Variants in ADAMTSL1 observed in about 807,000 individuals in gnomAD.
ADAMTSL1 encodes the protein ADAMTS-like protein 1.
In ADAMTSL1, 126 loss-of-function variants were observed where a neutral mutation model predicts 201.8. That is an observed-to-expected ratio of 0.62 (90% CI 0.54 to 0.72). The LOEUF (loss-of-function observed/expected upper bound fraction) is 0.72, where lower values mean the gene tolerates loss of function less well. ADAMTSL1 is among the 30% of genes least tolerant of loss of function. The pLI, the probability that ADAMTSL1 is intolerant of heterozygous loss-of-function variation, is 0.00. For synonymous variants in ADAMTSL1, 1,121 were observed against 903.4 expected (o/e 1.24, Z -4.32); for missense variants, 2,679 against 2,277.8 (o/e 1.18, Z -3.59).
At chr9:18,272,461 A>T (rs1317472101) in intron 2 of ADAMTSL1, among the ~76,000 whole-genome samples, 4 of 152,190 alleles carry the variant, frequency 2.6e-5, no homozygotes, top group Non-Finnish European at 4.4e-5. Context: ...TTAATTCAAG[A>T]TGGATTAAAG....
intron 1 of ADAMTSL1, among the ~76,000 whole-genome samples, chr9:18,071,222 A>G (rs1822948540): frequency 6.6e-6 from 1 of 152,238 alleles, no homozygotes; most frequent in Non-Finnish European, 1.5e-5. Context: ...AGCAGGCTCT[A>G]GAACTATAAC....
At chr9:18,522,701 T>C (rs959189876) in intron 2 of ADAMTSL1, among the ~76,000 whole-genome samples, 3 of 151,700 alleles carry the variant, frequency 2.0e-5, no homozygotes, top group African/African-American at 7.3e-5. Flanking sequence ...TTTGTTTTTT[T>C]TTTCCCTGCA....
At chr9:18,775,627 G>A (rs1820929159) in intron 17 of ADAMTSL1, 116 bp from the exon 18 acceptor site, 3 of 1,305,592 alleles carry the variant, frequency 2.3e-6, no homozygotes, top group Non-Finnish European at 2.1e-6. Flanking sequence ...TTCTATCACA[G>A]TGGTTATTGC....
chr9:18,123,212 C>T (rs550214697), intron 1 of ADAMTSL1, among the ~76,000 whole-genome samples: 4 of 152,294 alleles, frequency 2.6e-5, no homozygotes, highest in African/African-American at 9.6e-5. Flanking sequence ...CATATTTCAT[C>T]TTCCAGATTG....
intron 2 of ADAMTSL1, among the ~76,000 whole-genome samples, chr9:18,188,532 AG>A: frequency 6.6e-6 from 1 of 152,290 alleles, no homozygotes; most frequent in South Asian, 2.1e-4. Flanking sequence ...GGATGCAAAT[AG>A]GTGAAAATCA....
At position 18,680,612 on chromosome 9, in the gene ADAMTSL1, T is replaced by A; in HGVS notation, c.1341+96T>A. The A allele has an allele frequency of 3.6e-6, 5 of 1,381,004 alleles. 1 individual carries two copies. The South Asian group carries it at 6.1e-5, about 17-fold the overall frequency. The allele number at this position is 1,381,004 out of a possible 1,614,324, so 85.5% of individuals were successfully genotyped here. A position where few individuals can be genotyped will look rare whatever the true frequency, so the allele number is the denominator to read the frequency against. Reference sequence around the variant, plus strand: ...CCGGGTACCCTGAGCAGCTCCACACTCTTCTTGAGGTGTCTAGAAGCCTAC... The same window carrying A: ...CCGGGTACCCTGAGCAGCTCCACACACTTCTTGAGGTGTCTAGAAGCCTAC... On this transcript the variant is annotated intron_variant, in intron 11 of 28. Coordinates refer to ENST00000380548, the MANE Select transcript of ADAMTSL1 (RefSeq NM_001040272.6).
chr9:18,818,532 CTGTA>C (rs1824005781), intron 21 of ADAMTSL1, among the ~76,000 whole-genome samples: 1 of 152,196 alleles, frequency 6.6e-6, no homozygotes, highest in Non-Finnish European at 1.5e-5. Flanking sequence ...TGGCTCACGC[CTGTA>C]ATCTCAGCAC....
At chr9:18,853,474 C>A (rs924893734) in intron 23 of ADAMTSL1, among the ~76,000 whole-genome samples, 7 of 152,078 alleles carry the variant, frequency 4.6e-5, no homozygotes, top group Non-Finnish European at 2.9e-5. Flanking sequence ...TGGGTGGGGC[C>A]ACAGGACCAG....
chr9:18,777,347 G>A lies in ADAMTSL1; in HGVS notation c.3118G>A (p.Ala1040Thr). 1 of 1,602,030 alleles carries A rather than the reference G, an allele frequency of 6.2e-7. No homozygotes were observed. The highest frequency in any genetic ancestry group is 8.5e-7 in the Non-Finnish European group (1 of 1,174,790). The change falls in exon 19 of 29, where the codon GCC becomes ACC. Residue 1040 changes from alanine (A) to threonine (T), a missense_variant. Ala to Thr is a moderately conservative substitution (Grantham distance 58). Coordinates refer to ENST00000380548, the MANE Select transcript of ADAMTSL1 (RefSeq NM_001040272.6). ...EQGGWPGELL[A>T]SWEAQDSAER... ...GGGCGGCTGGCCCGGAGAGCTGCTG[G>A]CCTCGTGGGAGGCGCAGGACTCTGC...
At chr9:18,878,388 C>T (rs578061265) in intron 23 of ADAMTSL1, among the ~76,000 whole-genome samples, 2 of 152,378 alleles carry the variant, frequency 1.3e-5, no homozygotes, top group South Asian at 2.1e-4. Context: ...CCCAATTCCA[C>T]TGGCAGCTCT....
intron 2 of ADAMTSL1, among the ~76,000 whole-genome samples, chr9:18,293,142 C>T (rs1221132543): frequency 6.6e-6 from 1 of 152,182 alleles, no homozygotes; most frequent in African/African-American, 2.4e-5. Flanking sequence ...ATGTGTACCA[C>T]ATTTTCTTTA....
intron 1 of ADAMTSL1, among the ~76,000 whole-genome samples, chr9:17,991,809 A>G (rs1819162222): frequency 6.6e-6 from 1 of 152,090 alleles, no homozygotes; most frequent in Non-Finnish European, 1.5e-5. Flanking sequence ...ATTATGCTAG[A>G]AGTAGTCTAA....
chr9:18,337,125 A>G (rs977424997), intron 2 of ADAMTSL1, among the ~76,000 whole-genome samples: 1 of 152,122 alleles, frequency 6.6e-6, no homozygotes, highest in Non-Finnish European at 1.5e-5. Flanking sequence ...CCCACCCTCA[A>G]TCTGGGTGGG....
intron 2 of ADAMTSL1, among the ~76,000 whole-genome samples, chr9:18,215,558 C>A (rs762617783): frequency 2.2e-4 from 33 of 151,932 alleles, no homozygotes; most frequent in Middle Eastern, 6.8e-3. Flanking sequence ...GACTAGCAAT[C>A]AAAAAAAATC....
chr9:18,205,908 G>A lies in ADAMTSL1; in HGVS notation c.207+41927G>A, dbSNP rs191016993. 7.6e-4 allele frequency among the ~76,000 whole-genome samples: 116 copies of A among 151,904 alleles called. 2 individuals are homozygous for A. In the East Asian group the frequency reaches 0.02, roughly 27 times the overall value. On this transcript the variant is annotated intron_variant, in intron 2 of 29. Transcript: ENST00000680146. ...ATCTCTACTAAAAATACAAAAATTA[G>A]CCAGGCATGATGGCATGCGCCTGTA... is the stretch of plus-strand genomic sequence containing the variant.
At chr9:18,516,126 T>G (rs924987329) in intron 2 of ADAMTSL1, among the ~76,000 whole-genome samples, 1 of 151,136 alleles carries the variant, frequency 6.6e-6, no homozygotes, top group Non-Finnish European at 1.5e-5. Flanking sequence ...GATTTCCTAA[T>G]GCTACTTGCA....
chr9:18,125,167 C>T (rs749798358), intron 1 of ADAMTSL1, among the ~76,000 whole-genome samples: 1 of 152,144 alleles, frequency 6.6e-6, no homozygotes, highest in Non-Finnish European at 1.5e-5. Context: ...CTGGGGAGGC[C>T]TCACAATCAT....
intron 2 of ADAMTSL1, among the ~76,000 whole-genome samples, chr9:18,517,402 T>C (rs370454174): frequency 1.5e-4 from 23 of 151,050 alleles, no homozygotes; most frequent in East Asian, 1.2e-3. Context: ...CTTTTCATCT[T>C]TTTCTTTTTT....
intron 3 of ADAMTSL1, among the ~76,000 whole-genome samples, chr9:18,560,607 C>G (rs1223212564): frequency 1.3e-5 from 2 of 150,234 alleles, no homozygotes; most frequent in Non-Finnish European, 3.0e-5. Flanking sequence ...CTTTGTACCT[C>G]TGGTAGAATT....
Sources: gnomAD v4.1 joint callset for allele counts (sites outside exome capture counted in the v4.1 genomes callset) on GRCh38, gnomAD v4.1.1 for gene constraint, MANE v1.5 for transcripts, NCBI Gene and HGNC (gene_info 2026-07-23, HGNC 2026-07-21) for gene names.